Variants in TNK2 observed in about 807,000 individuals in gnomAD.
TNK2 encodes the protein tyrosine kinase non receptor 2.
A neutral mutation model predicts 101.8 loss-of-function variants in TNK2; 83 were observed. The observed-to-expected ratio is 0.82, with a 90% confidence interval of 0.68 to 0.98. TNK2 has a LOEUF of 0.98. TNK2 is among the 50% of genes least tolerant of loss of function. The pLI is 0.00. For missense variants in TNK2, 1,665 were observed against 1,483.2 expected, an observed-to-expected ratio of 1.12 and a Z score of -2.01; for synonymous variants, 804 against 633.0, an observed-to-expected ratio of 1.27 and a Z score of -4.06.
chr3:195,887,779 G>GCA (rs1560527493), intron 2 of TNK2, among the ~76,000 whole-genome samples: 2 of 126,354 alleles, frequency 1.6e-5, no homozygotes, highest in Non-Finnish European at 3.2e-5. Flanking sequence ...GTGCGTCTGC[G>GCA]CGCGTGTGTG....
At chr3:195,896,784 T>G (rs1241201820) in intron 1 of TNK2, 1 of 152,494 alleles carries the variant, frequency 6.6e-6, no homozygotes, top group African/African-American at 2.4e-5. Flanking sequence ...ACACCCCCTC[T>G]GCTCTTCACT....
At position 195,878,228 on chromosome 3, in the gene TNK2, C is replaced by G. The variant is rs775260535; in HGVS notation, c.1256+25G>C. ...CTGTGCCCTTCAAGCGATCCCAGGG[C>G]GGGGCCCAGCCCTGCACTCCCTACC... is the stretch of plus-strand genomic sequence containing the variant. On this transcript the variant is annotated intron_variant, in intron 9 of 15. Transcript: ENST00000672887. This position sits in a 1 kb window ranked among gnomAD's most constrained non-coding sequence, Gnocchi z 4.7. 1 of 1,612,282 alleles carries G rather than the reference C, an allele frequency of 6.2e-7. No individual in the cohort carries two copies. Among genetic ancestry groups the G allele is most frequent in the South Asian group, 1.1e-5 (1 of 91,054 alleles).
intron 1 of TNK2, among the ~76,000 whole-genome samples, chr3:195,893,886 G>T (rs1294483402): frequency 6.6e-6 from 1 of 152,144 alleles, no homozygotes; most frequent in Non-Finnish European, 1.5e-5. Context: ...CCCAGCACTT[G>T]ACCTCCCTGA....
rs770465067 is a variant in TNK2 at position 195,867,809 on chromosome 3, A to G, written c.2489T>C (p.Met830Thr). The stretch of plus-strand genomic sequence containing the variant: ...TGAGGCAAAGCTCTGGGTGGTGGGC[A>G]TGGTCTTCCCAGGTGAGCTTGAGAG... The part of the protein sequence containing the change: ...PRLSSSPGKT[M>T]PTTQSFASDP... The change falls in exon 13 of 16, where the codon ATG (methionine) becomes ACG (threonine). Residue 830 changes from methionine (M) to threonine (T), a missense_variant. By Grantham distance (81) the Met-to-Thr change is moderately conservative. Transcript: ENST00000672887. 1.9e-6 allele frequency: 3 copies of G among 1,558,460 alleles called. No homozygotes were observed. The highest frequency in any genetic ancestry group is 4.0e-5 in the Admixed American group (2 of 49,568).
chr3:195,876,223 G>A (rs569404293), intron 9 of TNK2, among the ~76,000 whole-genome samples: 32 of 152,302 alleles, frequency 2.1e-4, no homozygotes, highest in African/African-American at 5.8e-4. Flanking sequence ...GACACAGCAC[G>A]AAACATCTAG....
intron 1 of TNK2, among the ~76,000 whole-genome samples, chr3:195,904,257 G>A (rs1348642103): frequency 7.9e-6 from 1 of 126,128 alleles, no homozygotes; most frequent in Non-Finnish European, 1.6e-5. Flanking sequence ...GTGAGACCTT[G>A]TCTTTAAAAA....
chr3:195,868,306 G>T lies in TNK2; in HGVS notation c.1992C>A (p.Ser664=). The change falls in exon 13 of 16, where the codon TCC becomes TCA. Residue 664 remains serine (S), a synonymous_variant. Coordinates refer to ENST00000672887, the MANE Select transcript of TNK2 (RefSeq NM_001382273.1). ...CCGCGCCCACGAGGGTGCTGTTGAT[G>T]GAGCAGATCTCAAAGTCATCCTCAT... ...AQDEDDFEIC[S]INSTLVGAGV... is the part of the protein sequence containing the mutation. 1 of 1,603,636 alleles carries T rather than the reference G, an allele frequency of 6.2e-7. No individual in the cohort carries two copies.
chr3:195,877,360 GC>G (rs1025653025), intron 9 of TNK2, among the ~76,000 whole-genome samples: 10 of 152,144 alleles, frequency 6.6e-5, no homozygotes, highest in Admixed American at 4.6e-4. Flanking sequence ...ACTCCACACA[GC>G]CCCCCAGGTC....
intron 9 of TNK2, chr3:195,876,543 A>G: frequency 2.2e-6 from 1 of 456,700 alleles, no homozygotes; most frequent in Non-Finnish European, 4.4e-6. Flanking sequence ...AAGCTCTGCC[A>G]CCACCGACAC....
At position 195,870,357 on chromosome 3, in the gene TNK2, C is replaced by T. The variant is rs758941524; in HGVS notation, c.1452-152G>A. 4.3e-5 allele frequency: 65 copies of T among 1,501,684 alleles called. No homozygotes were observed. In the East Asian group the frequency reaches 6.3e-4, roughly 15 times the overall value. The allele number at this position is 1,501,684 out of a possible 1,614,324, so 93.0% of individuals were successfully genotyped here. ...CCTCCCAGTCCACAGAACCTGACCG[C>T]ACGTCTCAGCTGGGGGGTGTCCTGG... On this transcript the variant is annotated intron_variant, in intron 10 of 15. Coordinates refer to ENST00000672887, the MANE Select transcript of TNK2 (RefSeq NM_001382273.1).
chr3:195,893,769 G>A (rs975477938), intron 1 of TNK2, among the ~76,000 whole-genome samples: 1 of 152,096 alleles, frequency 6.6e-6, no homozygotes, highest in African/African-American at 2.4e-5. Context: ...TCTTGTCCCT[G>A]TCCAGCTGGC....
chr3:195,884,978 G>A lies in TNK2; in HGVS notation c.290C>T (p.Thr97Ile), dbSNP rs1362272730. Residue 97 changes from threonine (T) to isoleucine (I), a missense_variant, in exon 4 of 16, where the codon ACC (threonine) becomes ATC (isoleucine). Coordinates refer to ENST00000672887, the MANE Select transcript of TNK2 (RefSeq NM_001382273.1). ...AEFPPHHSQS[T>I]FRKTSPAPGG... Reference sequence around the variant, plus strand: ...AGGGGCGGGCGAGGTCTTCCGGAAGGTGCTCTGAGAGTGATGAGGTGGGAA... The same window carrying A: ...AGGGGCGGGCGAGGTCTTCCGGAAGATGCTCTGAGAGTGATGAGGTGGGAA... The A allele has an allele frequency of 3.1e-6, 5 of 1,613,498 alleles. No individual in the cohort carries two copies. The highest frequency in any genetic ancestry group is 1.3e-5 in the African/African-American group (1 of 75,018).
Position 195,864,097 on chromosome 3 carries a change from G to C in TNK2, c.*84C>G. On this transcript the variant is annotated 3_prime_UTR_variant, in exon 16 of 16. Transcript: ENST00000672887. ...CAGGAGCAGCGGGTCCTCCAGGACT[G>C]GATGGGGGCATCTCCCCACTCCTGG... 2 of 1,590,116 alleles carry C rather than the reference G, an allele frequency of 1.3e-6. No homozygotes were observed. Among genetic ancestry groups the C allele is most frequent in the Non-Finnish European group, 1.7e-6 (2 of 1,160,488 alleles).
chr3:195,876,037 C>T (rs953184722), intron 9 of TNK2, among the ~76,000 whole-genome samples: 5 of 152,178 alleles, frequency 3.3e-5, no homozygotes, highest in Non-Finnish European at 7.3e-5. Context: ...AGGGATAACC[C>T]GGATGCCTGG....
Position 195,867,766 on chromosome 3 carries a change from G to A in TNK2, c.2532C>T (p.Thr844=). Residue 844 remains threonine (T), a synonymous_variant, in exon 13 of 16, where the codon ACC becomes ACT. Coordinates refer to ENST00000672887, the MANE Select transcript of TNK2 (RefSeq NM_001382273.1). The part of the protein sequence containing the change: ...QSFASDPKYA[T]PQVIQAPGPR... ...GGCCAGGGGCCTGGATCACCTGGGG[G>A]GTGGCGTACTTGGGGTCTGAGGCAA... is the stretch of plus-strand genomic sequence containing the variant. 1 of 1,587,950 alleles carries A rather than the reference G, an allele frequency of 6.3e-7. No individual in the cohort carries two copies.
intron 6 of TNK2, among the ~76,000 whole-genome samples, chr3:195,879,687 G>C (rs972605246): frequency 4.6e-5 from 7 of 152,156 alleles, no homozygotes; most frequent in African/African-American, 1.7e-4. Flanking sequence ...GGTTGAGGGG[G>C]AAGTGCCACT....
chr3:195,896,944 G>A (rs531949996), intron 1 of TNK2, among the ~76,000 whole-genome samples: 3 of 152,242 alleles, frequency 2.0e-5, no homozygotes, highest in South Asian at 2.1e-4. Flanking sequence ...GGCAATTTCC[G>A]GCCAAGAGGA....
chr3:195,865,492 C>G (rs528110942), intron 15 of TNK2, among the ~76,000 whole-genome samples: 1 of 145,126 alleles, frequency 6.9e-6, no homozygotes, highest in Non-Finnish European at 1.5e-5. Context: ...AGGTGCAAAT[C>G]AGTAAGAACC....
chr3:195,873,213 C>T (rs1398323440), intron 9 of TNK2, among the ~76,000 whole-genome samples: 1 of 152,220 alleles, frequency 6.6e-6, no homozygotes, highest in Non-Finnish European at 1.5e-5. Context: ...GCTGCCAGTC[C>T]CCCTCTGACC....
Sources: allele counts gnomAD v4.1 joint callset (sites outside exome capture counted in the v4.1 genomes callset), GRCh38; gene constraint gnomAD v4.1.1; non-coding constraint Gnocchi (gnomAD v3.1); transcripts MANE v1.5; gene names NCBI Gene and HGNC (gene_info 2026-07-23, HGNC 2026-07-21).